SMARCA4: variants seen among roughly 807,000 people sequenced by gnomAD.
SMARCA4 encodes SWI/SNF-related matrix-associated actin-dependent regulator of chromatin subfamily A member 4.
A neutral mutation model predicts 193.9 loss-of-function variants in SMARCA4; 31 were observed. The ratio of observed to expected loss-of-function variants is 0.16; its 90% CI spans 0.12 to 0.22. The LOEUF is 0.22. SMARCA4 is among the 10% of genes least tolerant of loss of function. The pLI is 1.00. For synonymous variants in SMARCA4, 942 were observed against 933.1 expected (o/e 1.01, Z -0.17); for missense variants, 1,148 against 2,296.0 (o/e 0.50, Z 10.22).
intron 18 of SMARCA4, 97 bp from the exon 19 acceptor site, chr19:11,021,628 G>A (rs2146409460): frequency 6.8e-7 from 1 of 1,472,592 alleles, no homozygotes; most frequent in Non-Finnish European, 9.2e-7. Context: ...CTTCCACCTG[G>A]AGCCTTCCTG....
At chr19:11,013,476 G>A (rs528070381) in intron 16 of SMARCA4, among the ~76,000 whole-genome samples, 2 of 152,208 alleles carry the variant, frequency 1.3e-5, no homozygotes, top group South Asian at 4.1e-4. Context: ...AGGTACAGTC[G>A]CATCCTGAGC....
intron 1 of SMARCA4, among the ~76,000 whole-genome samples, chr19:10,980,166 G>A (rs918836476): frequency 1.3e-5 from 2 of 152,102 alleles, no homozygotes; most frequent in African/African-American, 2.4e-5. Context: ...CACTCTGCAC[G>A]TGTCTGAGCT....
chr19:11,024,969 C>T (rs572818996), intron 21 of SMARCA4, among the ~76,000 whole-genome samples: 98 of 151,878 alleles, frequency 6.5e-4, no homozygotes, highest in Non-Finnish European at 9.3e-4. Flanking sequence ...CCATTCCCAG[C>T]CCAGAGCATG....
intron 13 of SMARCA4, among the ~76,000 whole-genome samples, chr19:11,003,978 C>T (rs1214241211): frequency 1.3e-5 from 2 of 151,890 alleles, no homozygotes; most frequent in African/African-American, 4.8e-5. Context: ...TCCCAAAGTG[C>T]TGGGATTACA....
Position 10,986,523 on chromosome 19 carries a change from C to CGGCCCTGGACCT in SMARCA4, c.698_699insACCTGGCCCTGG (p.Gly241_Pro244dup). 1 of 1,543,526 alleles carries CGGCCCTGGACCT rather than the reference C, an allele frequency of 6.5e-7. No homozygotes were observed. The highest frequency in any genetic ancestry group is 8.7e-7 in the Non-Finnish European group (1 of 1,146,688). On this transcript the variant is annotated inframe_insertion, in exon 4 of 35. Transcript: ENST00000344626. This position sits in a 1 kb window ranked among gnomAD's most constrained non-coding sequence, Gnocchi z 6.7. ...CACCCTCGGTGTCCGCAACAGGACC[C>CGGCCCTGGACCT]GGCCCTGGCCCTGGCCCTGGCCCCG...
chr19:10,974,689 A>ATATT (rs1568402484), intron 1 of SMARCA4, among the ~76,000 whole-genome samples: 2 of 37,170 alleles, frequency 5.4e-5, no homozygotes, highest in East Asian at 8.1e-4. Flanking sequence ...ATATATATAT[A>ATATT]TTTTTTTTTT....
At position 10,987,539 on chromosome 19, in the gene SMARCA4, T is replaced by G. The variant is rs1400124386; in HGVS notation, c.860-127T>G. 1 of 1,069,376 alleles carries G rather than the reference T, an allele frequency of 9.4e-7. No individual in the cohort carries two copies. The highest frequency in any genetic ancestry group is 1.6e-5 in the African/African-American group (1 of 64,328). The allele number at this position is 1,069,376 out of a possible 1,614,324, so 66.2% of individuals were successfully genotyped here. ...GGCAGGTGTGAAGGACACCCCTGGG[T>G]GAAAGGTGGGAGATGGGCGGGGTCT... On this transcript the variant is annotated intron_variant, in intron 5 of 34. Transcript: ENST00000344626. The surrounding 1 kb of genome is among the most constrained non-coding windows in gnomAD (Gnocchi z 5.3).
rs2086005983 is a variant in SMARCA4 at position 10,986,139 on chromosome 19, A to G, written c.356-50A>G. ...GGTGTAGGGGGAAGAGGCTGTAAAAATCACAGACATATGCTGCCGAGTGAC... is the reference window on the plus strand; with the variant it reads ...GGTGTAGGGGGAAGAGGCTGTAAAAGTCACAGACATATGCTGCCGAGTGAC... On this transcript the variant is annotated intron_variant, in intron 3 of 34. Coordinates refer to ENST00000344626, the MANE Select transcript of SMARCA4 (RefSeq NM_003072.5). The surrounding 1 kb of genome is among the most constrained non-coding windows in gnomAD (Gnocchi z 6.7). 4.7e-6 allele frequency: 7 copies of G among 1,488,146 alleles called. No individual in the cohort carries two copies. In the East Asian group the frequency reaches 1.6e-4, roughly 34 times the overall value. 92.2% of individuals were successfully genotyped at this position (1,488,146 alleles called of 1,614,324 possible).
Position 11,059,229 on chromosome 19 carries a change from CCTCT to C in SMARCA4, c.4635+341_4635+344del, listed in dbSNP as rs2076720464. ...ACAACAGAAGAAATAGACTCAGAGTCCTCTGTCTGTTGGAATTTTATTTTAAATT... is the reference window on the plus strand; with the variant it reads ...ACAACAGAAGAAATAGACTCAGAGTCGTCTGTTGGAATTTTATTTTAAATT... On this transcript the variant is annotated intron_variant, in intron 32 of 34. Coordinates refer to ENST00000344626, the MANE Select transcript of SMARCA4 (RefSeq NM_003072.5). The C allele has an allele frequency of 5.9e-5, 19 of 320,228 alleles. No homozygotes were observed. The South Asian group carries it at 6.3e-4, about 11-fold the overall frequency. 19.8% of individuals were successfully genotyped at this position (320,228 alleles called of 1,614,324 possible).
In SMARCA4 at chr19:11,033,117, TGGC is replaced by T. The variant is rs764287603; in HGVS notation, c.3547-169_3547-167del. On this transcript the variant is annotated intron_variant, in intron 25 of 34. Coordinates refer to ENST00000344626, the MANE Select transcript of SMARCA4 (RefSeq NM_003072.5). This position sits in a 1 kb window ranked among gnomAD's most constrained non-coding sequence, Gnocchi z 9.8. ...GAGTCCCCTTCCCCCGAGGGACACA[TGGC>T]GGCCCAGGCTCCACCAGCTCTGTTT... is the stretch of plus-strand genomic sequence containing the variant. The T allele has an allele frequency of 2.0e-4, 133 of 681,468 alleles. No homozygotes were observed. The highest frequency in any genetic ancestry group is 3.2e-4 in the Non-Finnish European group (118 of 372,084). The allele number at this position is 681,468 out of a possible 1,614,324, so 42.2% of individuals were successfully genotyped here. A position where few individuals can be genotyped will look rare whatever the true frequency, so the allele number is the denominator to read the frequency against.
At chr19:11,009,078 G>A (rs1338353619) in intron 14 of SMARCA4, among the ~76,000 whole-genome samples, 1 of 121,524 alleles carries the variant, frequency 8.2e-6, no homozygotes, top group East Asian at 2.9e-4. Flanking sequence ...CTGGAGTACA[G>A]TGGTGCGATC....
At chr19:10,992,154 G>A (rs2086614541) in intron 8 of SMARCA4, among the ~76,000 whole-genome samples, 1 of 146,056 alleles carries the variant, frequency 6.8e-6, no homozygotes, top group Admixed American at 7.0e-5. Context: ...CTGTGTCACT[G>A]AGGCTGGAGT....
intron 1 of SMARCA4, among the ~76,000 whole-genome samples, chr19:10,965,060 A>G (rs1247746244): frequency 6.6e-6 from 1 of 152,220 alleles, no homozygotes; most frequent in Non-Finnish European, 1.5e-5. Context: ...GCCATGGCAC[A>G]GAAGGACCCA....
intron 1 of SMARCA4, among the ~76,000 whole-genome samples, chr19:10,964,600 G>A (rs573496360): frequency 9.3e-5 from 14 of 149,992 alleles, no homozygotes; most frequent in African/African-American, 3.2e-4. Context: ...TTACAAGTAT[G>A]AGCCACCGCG....
intron 13 of SMARCA4, among the ~76,000 whole-genome samples, chr19:11,007,429 C>CAAAAAAAAAA (rs1188457080): frequency 1.8e-5 from 1 of 56,164 alleles, no homozygotes; most frequent in Non-Finnish European, 3.7e-5. Flanking sequence ...CACTTCGTCT[C>CAAAAAAAAAA]AAAAAAAAAA....
chr19:11,053,005 C>T (rs948145471), intron 30 of SMARCA4, among the ~76,000 whole-genome samples: 1 of 152,324 alleles, frequency 6.6e-6, no homozygotes, highest in African/African-American at 2.4e-5. Context: ...TGGCATCTGC[C>T]TCTTGCCATG....
Position 11,061,992 on chromosome 19 carries a change from C to T in SMARCA4, c.*176C>T, listed in dbSNP as rs1039322306. 5 of 672,826 alleles carry T rather than the reference C, an allele frequency of 7.4e-6. No homozygotes were observed. The highest frequency in any genetic ancestry group is 2.1e-5 in the Admixed American group (1 of 46,790). The allele number at this position is 672,826 out of a possible 1,614,324, so 41.7% of individuals were successfully genotyped here. On this transcript the variant is annotated 3_prime_UTR_variant, in exon 35 of 35. Transcript: ENST00000344626. Reference sequence around the variant, plus strand: ...GCTGTAGGACTGTTTGTGACTGGCCCTGTCCTGGCATCAGTAGCATCTGTA... The same window carrying T: ...GCTGTAGGACTGTTTGTGACTGGCCTTGTCCTGGCATCAGTAGCATCTGTA...
In SMARCA4 at chr19:11,033,888, C is replaced by T. The variant is rs1568511123; in HGVS notation, c.3873+23C>T. Reference sequence around the variant, plus strand: ...AAGGTGAGAGGGGTAGTTCAGTCTCCATGCCCATTCAATCCTCGGCTTCTC... The same window carrying T: ...AAGGTGAGAGGGGTAGTTCAGTCTCTATGCCCATTCAATCCTCGGCTTCTC... On this transcript the variant is annotated intron_variant, in intron 27 of 34. Transcript: ENST00000344626. The surrounding 1 kb of genome is among the most constrained non-coding windows in gnomAD (Gnocchi z 9.8). 1 of 775,496 alleles carries T rather than the reference C, an allele frequency of 1.3e-6. No homozygotes were observed. Among genetic ancestry groups the T allele is most frequent in the Admixed American group, 1.7e-5 (1 of 58,734 alleles). 48.0% of individuals were successfully genotyped at this position (775,496 alleles called of 1,614,324 possible).
chr19:10,968,040 C>T (rs953804037), intron 1 of SMARCA4, among the ~76,000 whole-genome samples: 1 of 151,248 alleles, frequency 6.6e-6, no homozygotes, highest in Non-Finnish European at 1.5e-5. Flanking sequence ...CCATGCCCTG[C>T]GGGGGTTTCA....
Sources: allele counts gnomAD v4.1 joint callset (sites outside exome capture counted in the v4.1 genomes callset), GRCh38; gene constraint gnomAD v4.1.1; non-coding constraint Gnocchi (gnomAD v3.1); transcripts MANE v1.5; gene names NCBI Gene and HGNC (gene_info 2026-07-23, HGNC 2026-07-21).